The following RAP1GDS1 variants were observed in gnomAD, a reference collection of about 807,000 sequenced individuals.
RAP1GDS1 encodes RAP1, GTP-GDP dissociation stimulator 1.
RAP1GDS1 carries 35 observed loss-of-function variants against 71.1 expected under a neutral mutation model. That is an observed-to-expected ratio of 0.49 (90% CI 0.38 to 0.65). The LOEUF is 0.65. Ranked by LOEUF, RAP1GDS1 falls within the 30% of genes least tolerant of loss-of-function variation. The pLI is 0.00. For synonymous variants in RAP1GDS1, 229 were observed against 243.1 expected, an observed-to-expected ratio of 0.94 and a Z score of 0.54; for missense variants, 663 against 706.1, an observed-to-expected ratio of 0.94 and a Z score of 0.69.
intron 5 of RAP1GDS1, 74 bp downstream of exon 5, chr4:98,379,237 A>G (rs1578656643): frequency 7.9e-7 from 1 of 1,264,360 alleles, no homozygotes; most frequent in East Asian, 2.8e-5. Flanking sequence ...TGCAAAACAA[A>G]AATATTTGAA....
intron 12 of RAP1GDS1, among the ~76,000 whole-genome samples, chr4:98,425,627 C>G (rs1378865161): frequency 6.6e-6 from 1 of 152,146 alleles, no homozygotes; most frequent in East Asian, 1.9e-4. Flanking sequence ...TTCAAAAAGA[C>G]AGAGGGACAT....
At chr4:98,356,987 A>G (rs1052017122) in intron 4 of RAP1GDS1, among the ~76,000 whole-genome samples, 2 of 151,968 alleles carry the variant, frequency 1.3e-5, no homozygotes, top group Admixed American at 6.6e-5. Context: ...AAAATAGTGT[A>G]GAAGGAATTA....
rs1448133081 is a variant in RAP1GDS1, at chr4:98,324,759, C to G, written c.113-18380C>G. Among the ~76,000 whole-genome samples the G allele has an allele frequency of 3.4e-5, 5 of 145,580 alleles. No individual in the cohort carries two copies. The Admixed American group carries it at 3.4e-4, about 10-fold the overall frequency. On this transcript the variant is annotated intron_variant, in intron 2 of 14. Transcript: ENST00000408927. ...CTGGATCCCTTCCTTACACCTTATA[C>G]AAAAATCAATTCAAGATGGATTAAA...
At position 98,417,515 on chromosome 4, in the gene RAP1GDS1, C is replaced by T. The variant is rs761838445; in HGVS notation, c.1039+17C>T. 57 of 1,609,664 alleles carry T rather than the reference C, an allele frequency of 3.5e-5. No individual in the cohort carries two copies. Among genetic ancestry groups the T allele is most frequent in the Non-Finnish European group, 4.8e-5 (57 of 1,177,218 alleles). On this transcript the variant is annotated intron_variant, in intron 9 of 14. Transcript: ENST00000408927. ...CCAGAAATGGTAAGCATATTAGTTCCTCCTTTGTTAGTCAAATACTCTATA... is the reference window on the plus strand; with the variant it reads ...CCAGAAATGGTAAGCATATTAGTTCTTCCTTTGTTAGTCAAATACTCTATA...
At chr4:98,438,106 G>C (rs1294217338) in intron 14 of RAP1GDS1, among the ~76,000 whole-genome samples, 2 of 151,838 alleles carry the variant, frequency 1.3e-5, no homozygotes, top group Non-Finnish European at 2.9e-5. Context: ...CTGTTGTTAG[G>C]TACCTACACC....
chr4:98,301,152 T>C (rs1728530776), intron 2 of RAP1GDS1, among the ~76,000 whole-genome samples: 1 of 152,230 alleles, frequency 6.6e-6, no homozygotes, highest in Non-Finnish European at 1.5e-5. Context: ...ACAGAAGTGA[T>C]GTATTTCTTT....
chr4:98,271,518 A>G (rs1346080350), intron 1 of RAP1GDS1, among the ~76,000 whole-genome samples: 1 of 152,188 alleles, frequency 6.6e-6, no homozygotes, highest in Non-Finnish European at 1.5e-5. Flanking sequence ...ATTATATACC[A>G]TATCCACCAT....
At chr4:98,378,292 A>G (rs950350799) in intron 4 of RAP1GDS1, among the ~76,000 whole-genome samples, 3 of 151,952 alleles carry the variant, frequency 2.0e-5, no homozygotes, top group South Asian at 4.1e-4. Context: ...GTTTTATGCA[A>G]TGTAGATGGA....
chr4:98,322,797 A>T (rs1348926556), intron 2 of RAP1GDS1, among the ~76,000 whole-genome samples: 1 of 136,972 alleles, frequency 7.3e-6, no homozygotes, highest in East Asian at 2.0e-4. Flanking sequence ...TTATAGCACT[A>T]AATGCCCACA....
intron 1 of RAP1GDS1, among the ~76,000 whole-genome samples, chr4:98,264,811 G>A (rs1414128153): frequency 6.6e-6 from 1 of 152,194 alleles, no homozygotes; most frequent in Non-Finnish European, 1.5e-5. Flanking sequence ...AATGGAGTTG[G>A]TCTGGGGTTG....
intron 6 of RAP1GDS1, among the ~76,000 whole-genome samples, chr4:98,394,554 C>A (rs2110133331): frequency 6.6e-6 from 1 of 152,092 alleles, no homozygotes; most frequent in South Asian, 2.1e-4. Context: ...CTTTACAGCA[C>A]CCGTATGAAG....
chr4:98,373,910 A>G (rs931930770), intron 4 of RAP1GDS1, among the ~76,000 whole-genome samples: 1 of 152,204 alleles, frequency 6.6e-6, no homozygotes, highest in Non-Finnish European at 1.5e-5. Flanking sequence ...TTAAGTGACT[A>G]ATGGGCAGGT....
At chr4:98,381,242 A>G (rs1017011527) in intron 5 of RAP1GDS1, among the ~76,000 whole-genome samples, 5 of 151,670 alleles carry the variant, frequency 3.3e-5, no homozygotes, top group African/African-American at 9.6e-5. Context: ...TGCAGCTTTT[A>G]AAACTTATCG....
chr4:98,400,344 A>G (rs762154718), intron 6 of RAP1GDS1, among the ~76,000 whole-genome samples: 1 of 152,094 alleles, frequency 6.6e-6, no homozygotes, highest in Non-Finnish European at 1.5e-5. Flanking sequence ...TGTGATGTAT[A>G]TGTATATACA....
At position 98,349,677 on chromosome 4, in the gene RAP1GDS1, A is replaced by G. The variant is rs535208241; in HGVS notation, c.236-2799A>G. Reference sequence around the variant, plus strand: ...GTTTGTAATTCTCCTTGAAGAGGTCATTCACATCCCTTGTAAGTTGGATTC... The same window carrying G: ...GTTTGTAATTCTCCTTGAAGAGGTCGTTCACATCCCTTGTAAGTTGGATTC... On this transcript the variant is annotated intron_variant, in intron 3 of 14. Coordinates refer to ENST00000408927, the MANE Select transcript of RAP1GDS1 (RefSeq NM_001100427.2). 2.6e-5 allele frequency among the ~76,000 whole-genome samples: 4 copies of G among 152,246 alleles called. No homozygotes were observed. In the South Asian group the frequency reaches 6.2e-4, roughly 24 times the overall value.
intron 2 of RAP1GDS1, among the ~76,000 whole-genome samples, chr4:98,319,065 G>A (rs955472601): frequency 6.6e-6 from 1 of 152,136 alleles, no homozygotes; most frequent in African/African-American, 2.4e-5. Flanking sequence ...TGGATTAGGT[G>A]CCTCTGTACA....
At chr4:98,396,882 G>T (rs565787081) in intron 6 of RAP1GDS1, 1 of 152,246 alleles carries the variant, frequency 6.6e-6, no homozygotes, top group Admixed American at 6.5e-5. Flanking sequence ...TTGTCAAAAT[G>T]TTTTTAATAA....
intron 1 of RAP1GDS1, among the ~76,000 whole-genome samples, chr4:98,263,726 C>T (rs1193208272): frequency 1.3e-5 from 2 of 152,104 alleles, no homozygotes; most frequent in African/African-American, 4.8e-5. Context: ...GAACTTAAAG[C>T]CACCTATTAT....
chr4:98,305,424 G>A (rs1729174721), intron 2 of RAP1GDS1, among the ~76,000 whole-genome samples: 1 of 152,050 alleles, frequency 6.6e-6, no homozygotes, highest in Non-Finnish European at 1.5e-5. Flanking sequence ...ACATTCTAAG[G>A]AGAAGGCTGT....
Sources: allele counts gnomAD v4.1 joint callset (sites outside exome capture counted in the v4.1 genomes callset), GRCh38; gene constraint gnomAD v4.1.1; transcripts MANE v1.5; gene names NCBI Gene and HGNC (gene_info 2026-07-23, HGNC 2026-07-21).